The following KCNT2 variants were observed in gnomAD, a reference collection of about 807,000 sequenced individuals.
KCNT2 encodes potassium sodium-activated channel subfamily T member 2, also known as potassium channel subfamily T member 2.
Under a neutral mutation model 153.8 loss-of-function variants are expected in KCNT2, and 67 were observed. The observed-to-expected ratio is 0.44, with a 90% CI of 0.36 to 0.53. The LOEUF (loss-of-function observed/expected upper bound fraction) is 0.53. KCNT2 is among the 20% of genes least tolerant of loss of function. The pLI is 0.00. For synonymous variants in KCNT2, 500 were observed against 458.8 expected (o/e 1.09, Z -1.15); for missense variants, 975 against 1,354.8 (o/e 0.72, Z 4.40).
At position 196,423,039 on chromosome 1, in the gene KCNT2, T is replaced by G; in HGVS notation, c.1185+11A>C. 1 of 1,536,746 alleles carries G rather than the reference T, an allele frequency of 6.5e-7. No individual in the cohort carries two copies. Among genetic ancestry groups the G allele is most frequent in the Non-Finnish European group, 8.8e-7 (1 of 1,135,714 alleles). On this transcript the variant is annotated intron_variant, in intron 12 of 27. Coordinates refer to ENST00000294725, the MANE Select transcript of KCNT2 (RefSeq NM_198503.5). ...AAGCACAACTTACTAAAAAAGATTTTAGAAACTTACAGATGATGTCCTATC... is the reference window on the plus strand; with the variant it reads ...AAGCACAACTTACTAAAAAAGATTTGAGAAACTTACAGATGATGTCCTATC...
chr1:196,587,018 G>A lies in KCNT2; in HGVS notation c.95+21197C>T, dbSNP rs137876906. ...GAAACATGAAGAGCAATAAACTTCTGCTGTGATGATTCTACTTTCCTCAAA... is the reference window on the plus strand; with the variant it reads ...GAAACATGAAGAGCAATAAACTTCTACTGTGATGATTCTACTTTCCTCAAA... On this transcript the variant is annotated intron_variant, in intron 1 of 27. Coordinates refer to ENST00000294725, the MANE Select transcript of KCNT2 (RefSeq NM_198503.5). Among the ~76,000 whole-genome samples, 111 of 152,182 alleles carry A rather than the reference G, an allele frequency of 7.3e-4. 2 individuals are homozygous for A. In the East Asian group the frequency reaches 0.018, roughly 25 times the overall value.
chr1:196,464,254 G>A (rs6696801), intron 8 of KCNT2, among the ~76,000 whole-genome samples: 76,868 of 151,466 alleles, frequency 0.51, 20,769 homozygotes, highest in Middle Eastern at 0.73. Flanking sequence ...GACAGTTTGC[G>A]AAAGGTAAAA....
chr1:196,405,715 T>A (rs1031095672), intron 12 of KCNT2, among the ~76,000 whole-genome samples: 2 of 151,520 alleles, frequency 1.3e-5, no homozygotes, highest in African/African-American at 4.8e-5. Context: ...ATAAAATACA[T>A]CTGCAGCACT....
At chr1:196,511,872 G>A (rs1572689099) in intron 1 of KCNT2, among the ~76,000 whole-genome samples, 1 of 152,232 alleles carries the variant, frequency 6.6e-6, no homozygotes, top group South Asian at 2.1e-4. Context: ...AGTCACATTC[G>A]GAGGTACTAG....
intron 13 of KCNT2, among the ~76,000 whole-genome samples, chr1:196,397,382 G>C (rs527368474): frequency 1.3e-5 from 2 of 151,512 alleles, no homozygotes; most frequent in African/African-American, 2.4e-5. Context: ...ACAGGTTGTA[G>C]ATGGAGTACT....
chr1:196,493,157 T>C lies in KCNT2; in HGVS notation c.96-816A>G, dbSNP rs1325114499. Among the ~76,000 whole-genome samples, 3 of 152,218 alleles carry C rather than the reference T, an allele frequency of 2.0e-5. No homozygotes were observed. In the East Asian group the frequency reaches 5.8e-4, roughly 29 times the overall value. ...TCAGTGCAAGGTAACTTGTAAATAATACTCAATTTCCTTAATCAGTCTCAA... is the reference window on the plus strand; with the variant it reads ...TCAGTGCAAGGTAACTTGTAAATAACACTCAATTTCCTTAATCAGTCTCAA... On this transcript the variant is annotated intron_variant, in intron 1 of 27. Transcript: ENST00000294725.
intron 14 of KCNT2, among the ~76,000 whole-genome samples, chr1:196,362,567 C>T (rs7522690): frequency 6.6e-6 from 1 of 151,978 alleles, no homozygotes; most frequent in Non-Finnish European, 1.5e-5. Context: ...ATTGCTTTAC[C>T]TGACATTTGC....
intron 26 of KCNT2, among the ~76,000 whole-genome samples, chr1:196,250,978 T>C: frequency 6.6e-6 from 1 of 152,124 alleles, no homozygotes; most frequent in East Asian, 1.9e-4. Flanking sequence ...TGACAAATCC[T>C]GACGAGGATA....
rs546241478 is a variant in KCNT2 at position 196,301,016 on chromosome 1, T to C, written c.2595+4218A>G. ...CTGAAGTTCCCTTATTGGCCTAAAG[T>C]CTGGACCTGCCAAAGAAGAAAACAA... On this transcript the variant is annotated intron_variant, in intron 22 of 27. Transcript: ENST00000294725. 1.1e-4 allele frequency among the ~76,000 whole-genome samples: 16 copies of C among 152,222 alleles called. No individual in the cohort carries two copies. The South Asian group carries it at 3.1e-3, about 30-fold the overall frequency.
intron 3 of KCNT2, among the ~76,000 whole-genome samples, chr1:196,486,521 T>C (rs963288295): frequency 1.3e-5 from 2 of 151,910 alleles, no homozygotes; most frequent in Non-Finnish European, 2.9e-5. Context: ...TTATGAACTG[T>C]CTTAAAAGTA....
At chr1:196,534,028 C>T (rs1655252784) in intron 1 of KCNT2, among the ~76,000 whole-genome samples, 1 of 151,732 alleles carries the variant, frequency 6.6e-6, no homozygotes, top group South Asian at 2.1e-4. Flanking sequence ...GAAGATAATG[C>T]ATGATACCTG....
At chr1:196,374,968 C>T (rs971053808) in intron 13 of KCNT2, among the ~76,000 whole-genome samples, 1 of 151,798 alleles carries the variant, frequency 6.6e-6, no homozygotes, top group African/African-American at 2.4e-5. Flanking sequence ...CAATTATTAA[C>T]TTTTCCTTAC....
At chr1:196,596,729 T>C (rs910599434) in intron 1 of KCNT2, among the ~76,000 whole-genome samples, 1 of 152,162 alleles carries the variant, frequency 6.6e-6, no homozygotes. Flanking sequence ...ATTTTGTTTG[T>C]TTGAGACAGG....
At chr1:196,585,261 T>A (rs947925851) in intron 1 of KCNT2, among the ~76,000 whole-genome samples, 8 of 152,054 alleles carry the variant, frequency 5.3e-5, no homozygotes, top group Non-Finnish European at 1.2e-4. Context: ...AGCTATAACC[T>A]TAAGATACTA....
In KCNT2 at chr1:196,407,870, CA is replaced by C. The variant is rs145142799; in HGVS notation, c.1186-9200del. On this transcript the variant is annotated intron_variant, in intron 12 of 27. Coordinates refer to ENST00000294725, the MANE Select transcript of KCNT2 (RefSeq NM_198503.5). ...ACAATTTTTTTTTTTCTGAGAGTTA[CA>C]ACTTTAAAGCCTTGGGAGTCAAATA... Among the ~76,000 whole-genome samples the C allele has an allele frequency of 7.3e-5, 11 of 151,076 alleles. No homozygotes were observed. In the East Asian group the frequency reaches 2.2e-3, roughly 30 times the overall value.
At chr1:196,300,516 G>C (rs1464318788) in intron 22 of KCNT2, among the ~76,000 whole-genome samples, 1 of 151,942 alleles carries the variant, frequency 6.6e-6, no homozygotes, top group African/African-American at 2.4e-5. Context: ...ATTCCAGAGG[G>C]CTCCCCCTCT....
chr1:196,471,653 C>T (rs1678117205), intron 5 of KCNT2, among the ~76,000 whole-genome samples: 1 of 152,084 alleles, frequency 6.6e-6, no homozygotes, highest in Admixed American at 6.5e-5. Context: ...TGTTAATGCC[C>T]AGCAAAATTC....
At chr1:196,325,970 T>C (rs1397042492) in intron 19 of KCNT2, among the ~76,000 whole-genome samples, 2 of 152,094 alleles carry the variant, frequency 1.3e-5, no homozygotes, top group Non-Finnish European at 2.9e-5. Flanking sequence ...TAGTTCATCT[T>C]GACATTTGCA....
intron 5 of KCNT2, among the ~76,000 whole-genome samples, chr1:196,469,689 A>G (rs2148670520): frequency 6.6e-6 from 1 of 152,310 alleles, no homozygotes; most frequent in South Asian, 2.1e-4. Flanking sequence ...AGAACATTCA[A>G]CTAATCACGA....
Sources: gnomAD v4.1 joint callset for allele counts (sites outside exome capture counted in the v4.1 genomes callset) on GRCh38, gnomAD v4.1.1 for gene constraint, MANE v1.5 for transcripts, NCBI Gene and HGNC (gene_info 2026-07-23, HGNC 2026-07-21) for gene names.